KIRREL3: variants seen among roughly 807,000 people sequenced by gnomAD.
The protein encoded by KIRREL3 is kirre like nephrin family adhesion molecule 3.
KIRREL3 carries 36 observed loss-of-function variants against 89.7 expected under a neutral mutation model. That is an observed-to-expected ratio of 0.40 (90% CI 0.31 to 0.53). KIRREL3 has a LOEUF of 0.53. Ranked by LOEUF, KIRREL3 falls within the 20% of genes least tolerant of loss-of-function variation. The probability of loss-of-function intolerance (pLI) is 0.49; values close to 1 mark genes in which losing one functional copy is unlikely to be tolerated. For synonymous variants in KIRREL3, 445 were observed against 441.4 expected, an observed-to-expected ratio of 1.01 and a Z score of -0.10; for missense variants, 864 against 1,056.6, an observed-to-expected ratio of 0.82 and a Z score of 2.53.
chr11:126,850,728 G>A (rs918194908), intron 1 of KIRREL3, among the ~76,000 whole-genome samples: 3 of 152,172 alleles, frequency 2.0e-5, no homozygotes, highest in Non-Finnish European at 4.4e-5. Context: ...TAAAAGGAAG[G>A]ACTCAACTGG....
rs1316231989 is a variant in KIRREL3, at chr11:126,694,100, A to G, written c.56-131188T>C. On this transcript the variant is annotated intron_variant, in intron 1 of 16. Coordinates refer to ENST00000525144, the MANE Select transcript of KIRREL3 (RefSeq NM_032531.4). This position sits in a 1 kb window ranked among gnomAD's most constrained non-coding sequence, Gnocchi z 4.4. ...GGAAGTTGAATTGGCAAGTTGCAGC[A>G]GGAGATGGGAGCATGGGCTCCATCC... 6.6e-6 allele frequency among the ~76,000 whole-genome samples: 1 copy of G among 152,258 alleles called. No individual in the cohort carries two copies. The highest frequency in any genetic ancestry group is 2.4e-5 in the African/African-American group (1 of 41,474).
rs1351696110 is a variant in KIRREL3, at chr11:126,521,870, A to G, written c.284-406T>C. 6.6e-6 allele frequency among the ~76,000 whole-genome samples: 1 copy of G among 152,076 alleles called. No individual in the cohort carries two copies. The highest frequency in any genetic ancestry group is 2.4e-5 in the African/African-American group (1 of 41,392). ...AACGATCCTCCCACCTCAGCCTCCC[A>G]AGTAGCTGGGACTACAGACATGCAC... On this transcript the variant is annotated intron_variant, in intron 3 of 16. Transcript: ENST00000525144. The surrounding 1 kb of genome is among the most constrained non-coding windows in gnomAD (Gnocchi z 4.1).
At chr11:126,646,849 A>T (rs997346030) in intron 1 of KIRREL3, among the ~76,000 whole-genome samples, 2 of 152,114 alleles carry the variant, frequency 1.3e-5, no homozygotes, top group Admixed American at 6.6e-5. Context: ...CAACAAAACC[A>T]ATCTACCTAC....
chr11:126,626,562 A>C (rs1943793020), intron 1 of KIRREL3, among the ~76,000 whole-genome samples: 4 of 152,198 alleles, frequency 2.6e-5, no homozygotes, highest in Admixed American at 1.3e-4. Context: ...TGAGAATAGC[A>C]GGAGAAACAT....
chr11:126,918,100 C>T lies in KIRREL3; in HGVS notation c.55+82355G>A, dbSNP rs1592352162. 6.6e-6 allele frequency among the ~76,000 whole-genome samples: 1 copy of T among 152,098 alleles called. No homozygotes were observed. The highest frequency in any genetic ancestry group is 6.6e-5 in the Admixed American group (1 of 15,262). On this transcript the variant is annotated intron_variant, in intron 1 of 16. Coordinates refer to ENST00000525144, the MANE Select transcript of KIRREL3 (RefSeq NM_032531.4). The surrounding 1 kb of genome is among the most constrained non-coding windows in gnomAD (Gnocchi z 6.5). ...GGCCCATAATGATATGCATGCCTCT[C>T]AGAGGGAAGACAGAGACTCACGGTA...
intron 1 of KIRREL3, among the ~76,000 whole-genome samples, chr11:126,713,245 A>C (rs968554842): frequency 6.6e-6 from 1 of 152,196 alleles, no homozygotes; most frequent in African/African-American, 2.4e-5. Context: ...GGCTCCATGC[A>C]GAGGTCACAG....
At position 126,425,644 on chromosome 11, in the gene KIRREL3, G is replaced by T; in HGVS notation, c.1887C>A (p.Asn629Lys). 3.8e-6 allele frequency: 6 copies of T among 1,584,260 alleles called. No individual in the cohort carries two copies. The highest frequency in any genetic ancestry group is 5.2e-6 in the Non-Finnish European group (6 of 1,163,740). The change falls in exon 16 of 17, where the codon AAC (asparagine) becomes AAA (lysine). Residue 629 changes from asparagine (N) to lysine (K), a missense_variant. Asn to Lys is a moderately conservative substitution (Grantham distance 94). Coordinates refer to ENST00000525144, the MANE Select transcript of KIRREL3 (RefSeq NM_032531.4). ...AACCCGGGGCCCTTCTTACCTTCAG[G>T]TTCTGAAACTCTTTCTCCTCTTCTT... Reference protein sequence around the residue: ...VLKEEEKEFQNLKDPTNGYYS... With the variant: ...VLKEEEKEFQKLKDPTNGYYS...
intron 1 of KIRREL3, among the ~76,000 whole-genome samples, chr11:126,690,465 C>T (rs1946836823): frequency 1.3e-5 from 2 of 152,026 alleles, no homozygotes; most frequent in Admixed American, 6.5e-5. Flanking sequence ...CCTCCCTTCC[C>T]CTGGGATTAA....
At chr11:126,681,341 T>C (rs1248999945) in intron 1 of KIRREL3, among the ~76,000 whole-genome samples, 1 of 152,234 alleles carries the variant, frequency 6.6e-6, no homozygotes, top group East Asian at 1.9e-4. Flanking sequence ...AAAGTGATGA[T>C]TGATGTGCAG....
chr11:126,966,574 T>C (rs1223483576), intron 1 of KIRREL3, among the ~76,000 whole-genome samples: 1 of 152,164 alleles, frequency 6.6e-6, no homozygotes, highest in Non-Finnish European at 1.5e-5. Context: ...ACCTAGGTGG[T>C]GTGCCTGACG....
In KIRREL3 at chr11:126,666,036, T is replaced by A. The variant is rs1163163214; in HGVS notation, c.56-103124A>T. 6.6e-6 allele frequency among the ~76,000 whole-genome samples: 1 copy of A among 152,170 alleles called. No individual in the cohort carries two copies. Among genetic ancestry groups the A allele is most frequent in the Non-Finnish European group, 1.5e-5 (1 of 68,020 alleles). Reference sequence around the variant, plus strand: ...TGAATCAGAAAGCCTGGAACTATGATCTGGACCTTTTTATTTTGAAGGCGC... The same window carrying A: ...TGAATCAGAAAGCCTGGAACTATGAACTGGACCTTTTTATTTTGAAGGCGC... On this transcript the variant is annotated intron_variant, in intron 1 of 16. Coordinates refer to ENST00000525144, the MANE Select transcript of KIRREL3 (RefSeq NM_032531.4). This position sits in a 1 kb window ranked among gnomAD's most constrained non-coding sequence, Gnocchi z 4.2.
chr11:126,565,553 C>T lies in KIRREL3; in HGVS notation c.56-2641G>A, dbSNP rs561166425. ...GCACACTGCAGAAATTTATTAAGTGCGAGGGCTCTCTGACTGAGACTTTGT... is the reference window on the plus strand; with the variant it reads ...GCACACTGCAGAAATTTATTAAGTGTGAGGGCTCTCTGACTGAGACTTTGT... On this transcript the variant is annotated intron_variant, in intron 1 of 16. Coordinates refer to ENST00000525144, the MANE Select transcript of KIRREL3 (RefSeq NM_032531.4). The surrounding 1 kb of genome is among the most constrained non-coding windows in gnomAD (Gnocchi z 5.4). Among the ~76,000 whole-genome samples the T allele has an allele frequency of 5.3e-5, 8 of 152,220 alleles. No individual in the cohort carries two copies. Among genetic ancestry groups the T allele is most frequent in the East Asian group, 1.9e-4 (1 of 5,184 alleles).
chr11:126,465,913 A>T (rs540985802), intron 5 of KIRREL3, among the ~76,000 whole-genome samples: 75 of 152,288 alleles, frequency 4.9e-4, no homozygotes, highest in African/African-American at 1.8e-3. Context: ...TGAAACTAAG[A>T]CTTCGGGTAG....
intron 9 of KIRREL3, 57 bp downstream of exon 9, chr11:126,446,702 G>A: frequency 3.3e-6 from 5 of 1,535,326 alleles, no homozygotes; most frequent in Non-Finnish European, 3.5e-6. Context: ...GTTCCTTCTT[G>A]CTCCACTGTC....
At chr11:126,759,665 T>C (rs775572650) in intron 1 of KIRREL3, among the ~76,000 whole-genome samples, 5 of 152,330 alleles carry the variant, frequency 3.3e-5, no homozygotes, top group East Asian at 3.9e-4. Flanking sequence ...GCTACAATTA[T>C]ATTGTTAGAG....
chr11:126,959,229 T>G (rs1192274184), intron 1 of KIRREL3, among the ~76,000 whole-genome samples: 1 of 152,232 alleles, frequency 6.6e-6, no homozygotes, highest in Non-Finnish European at 1.5e-5. Context: ...TCAGCCTCCA[T>G]ACTTACACAG....
In KIRREL3 at chr11:126,462,865, G is replaced by T. The variant is rs1956591858; in HGVS notation, c.742+292C>A. Reference sequence around the variant, plus strand: ...CTCCAACAGAGGGGCCACCGGCTAGGCCAGCAGAGGCAGCAGCTGACCGTA... The same window carrying T: ...CTCCAACAGAGGGGCCACCGGCTAGTCCAGCAGAGGCAGCAGCTGACCGTA... On this transcript the variant is annotated intron_variant, in intron 6 of 16. Transcript: ENST00000525144. This position sits in a 1 kb window ranked among gnomAD's most constrained non-coding sequence, Gnocchi z 4.8. Among the ~76,000 whole-genome samples, 1 of 152,150 alleles carries T rather than the reference G, an allele frequency of 6.6e-6. No homozygotes were observed. The highest frequency in any genetic ancestry group is 1.5e-5 in the Non-Finnish European group (1 of 68,032).
intron 1 of KIRREL3, among the ~76,000 whole-genome samples, chr11:126,633,466 C>T (rs548106906): frequency 6.6e-6 from 1 of 152,262 alleles, no homozygotes; most frequent in South Asian, 2.1e-4. Context: ...CATTCTCATG[C>T]TCCTGGGAGT....
At chr11:126,603,408 G>A (rs1382497539) in intron 1 of KIRREL3, among the ~76,000 whole-genome samples, 1 of 152,206 alleles carries the variant, frequency 6.6e-6, no homozygotes, top group Non-Finnish European at 1.5e-5. Context: ...TCAGGAATGA[G>A]GGCATCATGG....
Sources: allele counts gnomAD v4.1 joint callset (sites outside exome capture counted in the v4.1 genomes callset), GRCh38; gene constraint gnomAD v4.1.1; non-coding constraint Gnocchi (gnomAD v3.1); transcripts MANE v1.5; gene names NCBI Gene and HGNC (gene_info 2026-07-23, HGNC 2026-07-21).